PDXK: variants seen among roughly 807,000 people sequenced by gnomAD.
The protein encoded by PDXK is epididymis secretory sperm binding protein Li 1a.
Under a neutral mutation model 43.2 loss-of-function variants are expected in PDXK, and 15 were observed. The ratio of observed to expected loss-of-function variants is 0.35; its 90% CI spans 0.23 to 0.53. The LOEUF is 0.53. PDXK is among the 20% of genes least tolerant of loss of function. The pLI is 0.92. For synonymous variants in PDXK, 172 were observed against 165.4 expected (o/e 1.04, Z -0.31); for missense variants, 343 against 417.0 (o/e 0.82, Z 1.54).
At chr21:43,728,860 C>T (rs2083281353) in intron 1 of PDXK, 1 of 985,476 alleles carries the variant, frequency 1.0e-6, no homozygotes, top group African/African-American at 1.7e-5. Flanking sequence ...CCGCTGCGGC[C>T]CCCGCAGGAA....
intron 2 of PDXK, chr21:43,741,068 A>T (rs1442217024): frequency 7.1e-6 from 1 of 140,478 alleles, no homozygotes; most frequent in African/African-American, 2.7e-5. Flanking sequence ...CTCCTCCTGT[A>T]CCTGGGACGC....
intron 1 of PDXK, chr21:43,728,785 C>T (rs1267399800): frequency 2.0e-6 from 2 of 985,590 alleles, no homozygotes; most frequent in East Asian, 2.3e-4. Context: ...TCGCGGGCGG[C>T]AGGGGGAAGG....
rs549271633 is a variant in PDXK at position 43,754,717 on chromosome 21, C to T, written c.760-981C>T. Among the ~76,000 whole-genome samples the T allele has an allele frequency of 6.6e-6, 1 of 152,026 alleles. No homozygotes were observed. Among genetic ancestry groups the T allele is most frequent in the Non-Finnish European group, 1.5e-5 (1 of 67,994 alleles). ...GGAGTGACAGGAGGAAGACAGGACA[C>T]CTCTGTCACTATTGGGTGCGCTGGG... is the stretch of plus-strand genomic sequence containing the variant. On this transcript the variant is annotated intron_variant, in intron 9 of 10. Transcript: ENST00000291565. The surrounding 1 kb of genome is among the most constrained non-coding windows in gnomAD (Gnocchi z 5.5).
intron 1 of PDXK, among the ~76,000 whole-genome samples, chr21:43,724,771 G>A (rs2083237379): frequency 6.6e-6 from 1 of 151,872 alleles, no homozygotes; most frequent in Non-Finnish European, 1.5e-5. Flanking sequence ...ATCCCAGGAG[G>A]TGGAGGATGC....
In PDXK at chr21:43,758,354, G is replaced by A. The variant is rs2083885695; in HGVS notation, c.*2291G>A. 1.3e-5 allele frequency: 2 copies of A among 153,540 alleles called. No homozygotes were observed. Among genetic ancestry groups the A allele is most frequent in the African/African-American group, 4.8e-5 (2 of 41,444 alleles). The allele number at this position is 153,540 out of a possible 1,614,324, so 9.5% of individuals were successfully genotyped here. On this transcript the variant is annotated 3_prime_UTR_variant, in exon 11 of 11. Coordinates refer to ENST00000291565, the MANE Select transcript of PDXK (RefSeq NM_003681.5). ...GGCTGTATCAGCCGAACCAGGAGAG[G>A]CCTGGGCTGCGACTAAGGAGAAAGA...
rs1457070935 is a variant in PDXK at position 43,737,363 on chromosome 21, G to T, written c.142+3240G>T. 10 of 1,255,954 alleles carry T rather than the reference G, an allele frequency of 8.0e-6. No individual in the cohort carries two copies. The highest frequency in any genetic ancestry group is 9.0e-6 in the Non-Finnish European group (9 of 994,686). The allele number at this position is 1,255,954 out of a possible 1,614,324, so 77.8% of individuals were successfully genotyped here. ...CCCGTTCCTTGAGGCCGTACCACAA[G>T]GTGCGTTCATTTTTCCACACCGTGA... On this transcript the variant is annotated intron_variant, in intron 2 of 10. Transcript: ENST00000291565. This position sits in a 1 kb window ranked among gnomAD's most constrained non-coding sequence, Gnocchi z 4.8.
chr21:43,722,192 G>A (rs1488602046), intron 1 of PDXK, among the ~76,000 whole-genome samples: 1 of 152,180 alleles, frequency 6.6e-6, no homozygotes. Flanking sequence ...ACTAGTGGCT[G>A]CGGCCATCTG....
At chr21:43,751,392 T>C (rs2083748663) in intron 7 of PDXK, among the ~76,000 whole-genome samples, 1 of 151,886 alleles carries the variant, frequency 6.6e-6, no homozygotes, top group African/African-American at 2.4e-5. Context: ...CTACTAAAAA[T>C]ACAAAAATTA....
chr21:43,738,980 C>G (rs1484285710), intron 2 of PDXK: 3 of 148,984 alleles, frequency 2.0e-5, no homozygotes, highest in African/African-American at 7.5e-5. Context: ...GTTGCCCAGG[C>G]TGGAGTGCAG....
At chr21:43,752,906 C>T (rs990364054) in intron 8 of PDXK, among the ~76,000 whole-genome samples, 9 of 152,126 alleles carry the variant, frequency 5.9e-5, no homozygotes, top group East Asian at 1.9e-4. Flanking sequence ...TGGGAGGACG[C>T]GTCCACCCGG....
chr21:43,735,103 A>T lies in PDXK; in HGVS notation c.142+980A>T, dbSNP rs2083381505. ...CTCCAGCTCTTGGCGGTGCAGATGGACAAGCTCCAGCTCTCGCTGAAACCC... is the reference window on the plus strand; with the variant it reads ...CTCCAGCTCTTGGCGGTGCAGATGGTCAAGCTCCAGCTCTCGCTGAAACCC... On this transcript the variant is annotated intron_variant, in intron 2 of 10. Transcript: ENST00000291565. This position sits in a 1 kb window ranked among gnomAD's most constrained non-coding sequence, Gnocchi z 5.3. Among the ~76,000 whole-genome samples the T allele has an allele frequency of 6.6e-6, 1 of 152,152 alleles. No homozygotes were observed. The highest frequency in any genetic ancestry group is 1.5e-5 in the Non-Finnish European group (1 of 68,020).
Position 43,749,086 on chromosome 21 carries a change from T to C in PDXK, c.464+6T>C. ...CCCAACCAGTTTGAGGCCGAGTAAG[T>C]CATTTTATTTTATTTTACTTTATTT... is the stretch of plus-strand genomic sequence containing the variant. On this transcript the variant is annotated splice_donor_region_variant and intron_variant, in intron 6 of 10. Transcript: ENST00000291565. The C allele has an allele frequency of 6.4e-7, 1 of 1,558,700 alleles. No homozygotes were observed. The highest frequency in any genetic ancestry group is 8.8e-7 in the Non-Finnish European group (1 of 1,133,298).
chr21:43,750,911 CATGTGTGCAT>C (rs1200349439), intron 7 of PDXK, among the ~76,000 whole-genome samples: 3 of 64,564 alleles, frequency 4.6e-5, no homozygotes, highest in Non-Finnish European at 1.0e-4. Context: ...GGTGTGCACG[CATGTGTGCAT>C]GTGTGTGCGT....
chr21:43,759,982 G>C lies in PDXK; in HGVS notation c.*3919G>C, dbSNP rs1174475200. On this transcript the variant is annotated 3_prime_UTR_variant, in exon 11 of 11. Coordinates refer to ENST00000291565, the MANE Select transcript of PDXK (RefSeq NM_003681.5). ...GTCTTGTCAGCCCTAAGCCAGGGAA[G>C]CCTGGAGCGTGGCCTGGCGGGTCTG... is the stretch of plus-strand genomic sequence containing the variant. 2 of 153,612 alleles carry C rather than the reference G, an allele frequency of 1.3e-5. No homozygotes were observed. The highest frequency in any genetic ancestry group is 2.9e-5 in the Non-Finnish European group (2 of 68,092). 9.5% of individuals were successfully genotyped at this position (153,612 alleles called of 1,614,324 possible). A position where few individuals can be genotyped will look rare whatever the true frequency, so the allele number is the denominator to read the frequency against.
chr21:43,742,448 C>G (rs1176626187), intron 3 of PDXK, among the ~76,000 whole-genome samples: 1 of 152,156 alleles, frequency 6.6e-6, no homozygotes, highest in Non-Finnish European at 1.5e-5. Flanking sequence ...TCCCAAAGTG[C>G]TGGGATTACA....
chr21:43,740,908 GCCGAGCA>G (rs1387608746), intron 2 of PDXK: 1 of 147,736 alleles, frequency 6.8e-6, no homozygotes, highest in Non-Finnish European at 1.5e-5. Context: ...GTGGCCGGTG[GCCGAGCA>G]CCCCGGCCTG....
rs2083632734 is a variant in PDXK at position 43,746,009 on chromosome 21, AAG to A, written c.332-68_332-67del. 34 of 1,232,060 alleles carry A rather than the reference AAG, an allele frequency of 2.8e-5. No individual in the cohort carries two copies. The South Asian group carries it at 4.0e-4, about 14-fold the overall frequency. 76.3% of individuals were successfully genotyped at this position (1,232,060 alleles called of 1,614,324 possible). On this transcript the variant is annotated intron_variant, in intron 4 of 10. Coordinates refer to ENST00000291565, the MANE Select transcript of PDXK (RefSeq NM_003681.5). ...AAGACCCTGTCTTAAAAAAAGAAGA[AAG>A]AAATGTGGAGGGTTTCTTACTCGTC...
intron 7 of PDXK, among the ~76,000 whole-genome samples, chr21:43,751,321 G>T (rs1195225623): frequency 4.6e-5 from 7 of 152,320 alleles, no homozygotes; most frequent in Middle Eastern, 6.8e-3. Flanking sequence ...GACTGAGGTG[G>T]TCAGATCACT....
At position 43,719,359 on chromosome 21, in the gene PDXK, G is replaced by T; in HGVS notation, c.65G>T (p.Arg22Leu). The T allele has an allele frequency of 3.3e-6, 5 of 1,524,758 alleles. No individual in the cohort carries two copies. The highest frequency in any genetic ancestry group is 4.4e-6 in the Non-Finnish European group (5 of 1,137,310). The allele number at this position is 1,524,758 out of a possible 1,614,324, so 94.5% of individuals were successfully genotyped here. Residue 22 changes from arginine (R) to leucine (L), a missense_variant, in exon 1 of 11, where the codon CGG becomes CTG. Physicochemically the swap from Arg to Leu is moderately radical, Grantham distance 102. Coordinates refer to ENST00000291565, the MANE Select transcript of PDXK (RefSeq NM_003681.5). ...GTCATCCGCGGCTACGTGGGCAACCGGGCGGCCACGTTCCCGCTGCAGGTA... is the reference window on the plus strand; with the variant it reads ...GTCATCCGCGGCTACGTGGGCAACCTGGCGGCCACGTTCCCGCTGCAGGTA... ...SHVIRGYVGN[R>L]AATFPLQVLG...
Sources: allele counts gnomAD v4.1 joint callset (sites outside exome capture counted in the v4.1 genomes callset), GRCh38; gene constraint gnomAD v4.1.1; non-coding constraint Gnocchi (gnomAD v3.1); transcripts MANE v1.5; gene names NCBI Gene and HGNC (gene_info 2026-07-23, HGNC 2026-07-21).